The following MANBA variants were observed in gnomAD, a reference collection of about 807,000 sequenced individuals.
MANBA encodes the protein mannosidase beta, also known as beta-mannosidase.
In MANBA, 83 loss-of-function variants were observed where a neutral mutation model predicts 111.1. The ratio of observed to expected loss-of-function variants is 0.75; its 90% confidence interval spans 0.63 to 0.90. The LOEUF is 0.90. MANBA is among the 40% of genes least tolerant of loss of function. The probability of loss-of-function intolerance (pLI) is 0.00; values close to 1 mark genes in which losing one functional copy is unlikely to be tolerated. For synonymous variants in MANBA, 370 were observed against 378.7 expected, an observed-to-expected ratio of 0.98 and a Z score of 0.27; for missense variants, 1,036 against 1,069.0, an observed-to-expected ratio of 0.97 and a Z score of 0.43.
At chr4:102,711,569 A>G (rs1366938461) in intron 5 of MANBA, among the ~76,000 whole-genome samples, 1 of 152,348 alleles carries the variant, frequency 6.6e-6, no homozygotes, top group East Asian at 1.9e-4. Context: ...AACTAATAGT[A>G]GAGTCATTAC....
intron 13 of MANBA, among the ~76,000 whole-genome samples, chr4:102,644,953 A>G (rs1730037988): frequency 6.6e-6 from 1 of 151,960 alleles, no homozygotes; most frequent in South Asian, 2.1e-4. Flanking sequence ...ATAAATGTAT[A>G]TTTGTTCCTG....
intron 7 of MANBA, among the ~76,000 whole-genome samples, chr4:102,683,998 CTT>C (rs889932045): frequency 6.6e-6 from 1 of 151,952 alleles, no homozygotes; most frequent in African/African-American, 2.4e-5. Context: ...TGTCTGCATT[CTT>C]TTCATGATTC....
At chr4:102,755,419 T>C (rs111486360) in intron 1 of MANBA, among the ~76,000 whole-genome samples, 3 of 152,330 alleles carry the variant, frequency 2.0e-5, no homozygotes, top group African/African-American at 7.2e-5. Flanking sequence ...GCTAGCCAAA[T>C]GTAGAAAGCT....
chr4:102,734,105 T>C lies in MANBA; in HGVS notation c.178-7422A>G, dbSNP rs72937837. Among the ~76,000 whole-genome samples the C allele has an allele frequency of 1.8e-3, 275 of 152,352 alleles. 1 individual carries two copies. Among genetic ancestry groups the C allele is most frequent in the African/African-American group, 6.4e-3 (265 of 41,584 alleles). ...TGAACCCTAATGTAAAGTGTGGACTTTGACTGATAAAGATGTGTCAATGTC... is the reference window on the plus strand; with the variant it reads ...TGAACCCTAATGTAAAGTGTGGACTCTGACTGATAAAGATGTGTCAATGTC... On this transcript the variant is annotated intron_variant, in intron 1 of 16. Coordinates refer to ENST00000647097, the MANE Select transcript of MANBA (RefSeq NM_005908.4).
intron 1 of MANBA, chr4:102,727,903 T>TTATGGGGCATTTATGAG: frequency 2.0e-6 from 1 of 511,858 alleles, no homozygotes; most frequent in South Asian, 1.8e-5. Context: ...GGCTTTTCAC[T>TTATGGGGCATTTATGAG]GCAGAGAATG....
intron 16 of MANBA, 119 bp from the exon 17 acceptor site, chr4:102,632,400 G>T: frequency 1.2e-6 from 1 of 812,608 alleles, no homozygotes; most frequent in Non-Finnish European, 2.1e-6. Context: ...CCACAACTTT[G>T]GTTCTACAAC....
intron 13 of MANBA, among the ~76,000 whole-genome samples, chr4:102,644,486 G>T (rs1730016277): frequency 6.6e-6 from 1 of 152,108 alleles, no homozygotes; most frequent in Non-Finnish European, 1.5e-5. Flanking sequence ...GGAAGAAACT[G>T]GAGGACATCA....
chr4:102,753,961 C>T (rs1417864650), intron 1 of MANBA: 3 of 412,936 alleles, frequency 7.3e-6, no homozygotes, highest in Non-Finnish European at 1.4e-5. Flanking sequence ...GAAGATGATG[C>T]CACTTCACTC....
chr4:102,728,352 G>A, intron 1 of MANBA: 1 of 531,504 alleles, frequency 1.9e-6, no homozygotes, highest in Non-Finnish European at 3.8e-6. Context: ...TTCACTCTCT[G>A]CAGGCTTTTG....
At chr4:102,672,264 C>T (rs1731529624) in intron 8 of MANBA, 1 of 391,574 alleles carries the variant, frequency 2.6e-6, no homozygotes, top group Non-Finnish European at 4.5e-6. Context: ...CTACAATGCA[C>T]ATTTATACAT....
intron 9 of MANBA, 172 bp downstream of exon 9, chr4:102,671,109 G>A (rs1461301196): frequency 1.8e-6 from 1 of 550,676 alleles, no homozygotes; most frequent in Admixed American, 3.1e-5. Flanking sequence ...AAATAATTAT[G>A]GTAGTTGATC....
At chr4:102,656,095 A>G (rs1730546566) in intron 12 of MANBA, among the ~76,000 whole-genome samples, 1 of 152,144 alleles carries the variant, frequency 6.6e-6, no homozygotes, top group Admixed American at 6.5e-5. Flanking sequence ...TCTATAAAAA[A>G]TACAAAAATT....
chr4:102,749,812 A>G (rs1276532554), intron 1 of MANBA, among the ~76,000 whole-genome samples: 1 of 152,228 alleles, frequency 6.6e-6, no homozygotes, highest in Admixed American at 6.5e-5. Flanking sequence ...AATGAATTGT[A>G]TAGGCTGACT....
intron 2 of MANBA, among the ~76,000 whole-genome samples, chr4:102,724,598 C>A (rs573668753): frequency 5.0e-4 from 76 of 151,334 alleles, no homozygotes; most frequent in Non-Finnish European, 8.8e-4. Flanking sequence ...AATGTTCTCA[C>A]AAACTACATT....
chr4:102,726,622 T>C lies in MANBA; in HGVS notation c.239A>G (p.Tyr80Cys), dbSNP rs1722815822. 3.2e-6 allele frequency: 5 copies of C among 1,564,324 alleles called. No individual in the cohort carries two copies. Among genetic ancestry groups the C allele is most frequent in the South Asian group, 1.1e-5 (1 of 89,450 alleles). The stretch of plus-strand genomic sequence containing the variant: ...AAAGGGGATTTTAAATTCTTTGCTA[T>C]AGGTCCAGTTATCCAAAGAGACCCA... ...YRWVSLDNWTYSKEFKIPFEI... is the reference protein window; with the variant it reads ...YRWVSLDNWTCSKEFKIPFEI... Residue 80 changes from tyrosine (Y) to cysteine (C), a missense_variant, in exon 2 of 17, where the codon TAT (tyrosine) becomes TGT (cysteine). Transcript: ENST00000647097.
intron 1 of MANBA, chr4:102,730,284 C>T (rs17254118): frequency 0.01 from 5,682 of 547,340 alleles, 38 homozygotes; most frequent in Non-Finnish European, 0.015. Flanking sequence ...GTCTCATGAC[C>T]GGAGGAATTT....
rs565514883 is a variant in MANBA at position 102,632,778 on chromosome 4, TAAGTA to T, written c.2416-502_2416-498del. On this transcript the variant is annotated intron_variant, in intron 16 of 16. Coordinates refer to ENST00000647097, the MANE Select transcript of MANBA (RefSeq NM_005908.4). ...GAGCTTATCTCTTTTACTGCATAGT[TAAGTA>T]AAGTCACATTATTAGCATTTTTTTT... Among the ~76,000 whole-genome samples the T allele has an allele frequency of 2.1e-4, 32 of 152,360 alleles. No homozygotes were observed. The East Asian group carries it at 3.5e-3, about 17-fold the overall frequency.
At chr4:102,652,470 T>A (rs1216373619) in intron 12 of MANBA, among the ~76,000 whole-genome samples, 1 of 152,196 alleles carries the variant, frequency 6.6e-6, no homozygotes, top group Non-Finnish European at 1.5e-5. Context: ...ATAACTATGG[T>A]GTGAAAATCT....
At chr4:102,676,873 T>C (rs1399756463) in intron 7 of MANBA, among the ~76,000 whole-genome samples, 1 of 152,162 alleles carries the variant, frequency 6.6e-6, no homozygotes, top group Non-Finnish European at 1.5e-5. Flanking sequence ...AGCTCCAAAC[T>C]GCTAGTAGTC....
Sources: allele counts gnomAD v4.1 joint callset (sites outside exome capture counted in the v4.1 genomes callset), GRCh38; gene constraint gnomAD v4.1.1; transcripts MANE v1.5; gene names NCBI Gene and HGNC (gene_info 2026-07-23, HGNC 2026-07-21).